Variants in PTPRM observed in about 807,000 individuals in gnomAD.
PTPRM encodes receptor-type tyrosine-protein phosphatase mu.
PTPRM carries 47 observed loss-of-function variants against 186.7 expected under a neutral mutation model. That is an observed-to-expected ratio of 0.25 (90% confidence interval 0.20 to 0.32). The LOEUF is 0.32. Ranked by LOEUF, PTPRM falls within the 10% of genes least tolerant of loss-of-function variation. The probability of loss-of-function intolerance (pLI) is 1.00; values close to 1 mark genes in which losing one functional copy is unlikely to be tolerated. For synonymous variants in PTPRM, 668 were observed against 674.9 expected, an observed-to-expected ratio of 0.99 and a Z score of 0.16; for missense variants, 1,494 against 1,865.0, an observed-to-expected ratio of 0.80 and a Z score of 3.66.
At chr18:7,720,889 T>C (rs1303120443) in intron 1 of PTPRM, among the ~76,000 whole-genome samples, 1 of 152,192 alleles carries the variant, frequency 6.6e-6, no homozygotes, top group Non-Finnish European at 1.5e-5. Context: ...AGTAGACTCT[T>C]GGGTTGCTTC....
At chr18:8,283,863 C>T (rs1259517258) in intron 19 of PTPRM, among the ~76,000 whole-genome samples, 1 of 152,166 alleles carries the variant, frequency 6.6e-6, no homozygotes, top group African/African-American at 2.4e-5. Flanking sequence ...TCAAGCAAGG[C>T]TTCTGCCTTG....
intron 13 of PTPRM, among the ~76,000 whole-genome samples, chr18:8,128,593 G>C (rs2092429345): frequency 6.6e-6 from 1 of 151,918 alleles, no homozygotes; most frequent in Admixed American, 6.6e-5. Context: ...TGTTATATTT[G>C]TCATTTTGCT....
chr18:8,262,221 G>A (rs2094640681), intron 19 of PTPRM, among the ~76,000 whole-genome samples: 2 of 152,092 alleles, frequency 1.3e-5, no homozygotes, highest in Admixed American at 6.5e-5. Flanking sequence ...ACTTGTCTGT[G>A]CCATCGGAAG....
At chr18:7,630,169 G>A (rs1482373451) in intron 1 of PTPRM, among the ~76,000 whole-genome samples, 4 of 152,284 alleles carry the variant, frequency 2.6e-5, no homozygotes, top group African/African-American at 9.6e-5. Context: ...AGGTCAGATG[G>A]TTGAAGCCAA....
At position 8,384,521 on chromosome 18, in the gene PTPRM, C is replaced by T. The variant is rs561089499; in HGVS notation, c.3919-40C>T. On this transcript the variant is annotated intron_variant, in intron 29 of 32. Coordinates refer to ENST00000580170, the MANE Select transcript of PTPRM (RefSeq NM_001105244.2). ...ATCCAAACTGTTAGGAGTAAATTTCCTCTTATAACTAACCTTGTGTTTATA... is the reference window on the plus strand; with the variant it reads ...ATCCAAACTGTTAGGAGTAAATTTCTTCTTATAACTAACCTTGTGTTTATA... 17 of 1,610,142 alleles carry T rather than the reference C, an allele frequency of 1.1e-5. No individual in the cohort carries two copies. In the African/African-American group the frequency reaches 1.9e-4, roughly 18 times the overall value.
intron 13 of PTPRM, among the ~76,000 whole-genome samples, chr18:8,138,916 T>G (rs2092700655): frequency 6.6e-6 from 1 of 152,154 alleles, no homozygotes; most frequent in Non-Finnish European, 1.5e-5. Context: ...CCTGTGTCTG[T>G]ATTCGCCTGG....
intron 2 of PTPRM, among the ~76,000 whole-genome samples, chr18:7,881,358 C>A (rs925032283): frequency 9.9e-5 from 15 of 152,140 alleles, no homozygotes; most frequent in African/African-American, 3.4e-4. Flanking sequence ...TCACTTGAAC[C>A]CAGGAGGCAG....
At chr18:7,966,844 G>A (rs1403664976) in intron 7 of PTPRM, among the ~76,000 whole-genome samples, 1 of 129,012 alleles carries the variant, frequency 7.8e-6, no homozygotes, top group Non-Finnish European at 1.8e-5. Flanking sequence ...ACAGCAGTCT[G>A]AGATCAAACC....
intron 1 of PTPRM, among the ~76,000 whole-genome samples, chr18:7,651,469 G>A (rs2038701887): frequency 1.3e-5 from 2 of 152,084 alleles, no homozygotes; most frequent in African/African-American, 4.8e-5. Flanking sequence ...AAAGAACAAA[G>A]CTGGAGGCAT....
chr18:8,310,424 A>C, intron 20 of PTPRM, among the ~76,000 whole-genome samples: 1 of 146,344 alleles, frequency 6.8e-6, no homozygotes, highest in Non-Finnish European at 1.5e-5. Context: ...ATTTCCCACC[A>C]CTCTCCTCCC....
intron 3 of PTPRM, 95 bp downstream of exon 3, chr18:7,888,472 G>T: frequency 1.4e-6 from 2 of 1,387,252 alleles, no homozygotes; most frequent in Non-Finnish European, 9.6e-7. Context: ...AAAGGTTGTT[G>T]TATTTTTGTT....
At chr18:8,348,419 T>C (rs980633661) in intron 23 of PTPRM, among the ~76,000 whole-genome samples, 2 of 152,358 alleles carry the variant, frequency 1.3e-5, no homozygotes, top group African/African-American at 4.8e-5. Context: ...CCTGTCATTA[T>C]CTAAGACTTC....
intron 14 of PTPRM, among the ~76,000 whole-genome samples, chr18:8,196,629 C>T (rs17399291): frequency 0.08 from 12,177 of 152,198 alleles, 627 homozygotes; most frequent in Middle Eastern, 0.32. Flanking sequence ...AAATTCAACA[C>T]GAAGTCAGTT....
intron 1 of PTPRM, among the ~76,000 whole-genome samples, chr18:7,722,028 G>A (rs1269321048): frequency 6.6e-6 from 1 of 152,182 alleles, no homozygotes; most frequent in Admixed American, 6.5e-5. Context: ...GTTTACATTA[G>A]GATTCACTGT....
chr18:7,710,928 G>T (rs975649922), intron 1 of PTPRM, among the ~76,000 whole-genome samples: 7 of 152,176 alleles, frequency 4.6e-5, no homozygotes, highest in African/African-American at 1.7e-4. Flanking sequence ...AAACACCCAT[G>T]CTCATGGATG....
At chr18:7,924,022 CAAAAAGA>C (rs2051025625) in intron 4 of PTPRM, among the ~76,000 whole-genome samples, 1 of 152,104 alleles carries the variant, frequency 6.6e-6, no homozygotes, top group Non-Finnish European at 1.5e-5. Context: ...AACAAGGAAA[CAAAAAGA>C]AACCAAAGAA....
chr18:7,659,117 TAC>T (rs10541547), intron 1 of PTPRM, among the ~76,000 whole-genome samples: 14,069 of 143,258 alleles, frequency 0.098, 783 homozygotes, highest in East Asian at 0.28. Context: ...CACATGTATG[TAC>T]ACACACACAC....
chr18:8,183,408 C>G (rs1221884313), intron 14 of PTPRM, among the ~76,000 whole-genome samples: 1 of 152,106 alleles, frequency 6.6e-6, no homozygotes, highest in Admixed American at 6.6e-5. Context: ...GGCAGGAAAG[C>G]GGTGAACTTG....
Position 7,853,969 on chromosome 18 carries a change from A to G in PTPRM, c.197-34137A>G, listed in dbSNP as rs564049019. Among the ~76,000 whole-genome samples, 3 of 152,346 alleles carry G rather than the reference A, an allele frequency of 2.0e-5. No homozygotes were observed. The East Asian group carries it at 5.8e-4, about 29-fold the overall frequency. On this transcript the variant is annotated intron_variant, in intron 2 of 32. Coordinates refer to ENST00000580170, the MANE Select transcript of PTPRM (RefSeq NM_001105244.2). ...GCAGGTGTTGGAGAGAAAATGAGCC[A>G]TAAAATTCTCTGTATCTGTTGGACC...
Sources: gnomAD v4.1 joint callset for allele counts (sites outside exome capture counted in the v4.1 genomes callset) on GRCh38, gnomAD v4.1.1 for gene constraint, MANE v1.5 for transcripts, NCBI Gene and HGNC (gene_info 2026-07-23, HGNC 2026-07-21) for gene names.